Variants in CCNY observed in about 807,000 individuals in gnomAD.
CCNY encodes cyclin Y.
CCNY carries 19 observed loss-of-function variants against 42.8 expected under a neutral mutation model. That is an observed-to-expected ratio of 0.44 (90% CI 0.31 to 0.65). CCNY has a LOEUF of 0.65. Among genes scored for constraint, CCNY ranks in the 30% least tolerant of loss-of-function variants. CCNY has a pLI of 0.07. For synonymous variants in CCNY, 165 were observed against 162.7 expected, an observed-to-expected ratio of 1.01 and a Z score of -0.11; for missense variants, 370 against 437.3, an observed-to-expected ratio of 0.85 and a Z score of 1.37.
intron 1 of CCNY, among the ~76,000 whole-genome samples, chr10:35,452,881 T>C (rs1838949355): frequency 6.6e-6 from 1 of 152,162 alleles, no homozygotes; most frequent in Admixed American, 6.5e-5. Context: ...AAGCTGGGTT[T>C]GTCTAAAACC....
intron 3 of CCNY, among the ~76,000 whole-genome samples, chr10:35,503,394 G>A (rs1304761761): frequency 6.6e-6 from 1 of 152,150 alleles, no homozygotes; most frequent in Non-Finnish European, 1.5e-5. Flanking sequence ...AACAAGCAGC[G>A]TGACCCTCTA....
At position 35,460,230 on chromosome 10, in the gene CCNY, T is replaced by G. The variant is rs113281768; in HGVS notation, c.155-23174T>G. 3.4e-3 allele frequency among the ~76,000 whole-genome samples: 513 copies of G among 152,188 alleles called. 4 individuals carry two copies. Among genetic ancestry groups the G allele is most frequent in the African/African-American group, 0.012 (483 of 41,526 alleles). On this transcript the variant is annotated intron_variant, in intron 1 of 9. Transcript: ENST00000374704. ...ACATCTCTGAGCCTCTTTTAAAAAA[T>G]CTCTCTCTCTCGTATATCTCTATTT...
chr10:35,440,631 CG>C (rs1838646159), intron 1 of CCNY, among the ~76,000 whole-genome samples: 1 of 152,120 alleles, frequency 6.6e-6, no homozygotes, highest in African/African-American at 2.4e-5. Flanking sequence ...GACCCCTGTC[CG>C]GGGCACAGCT....
intron 3 of CCNY, among the ~76,000 whole-genome samples, chr10:35,251,982 T>C (rs2095712346): frequency 6.6e-6 from 1 of 152,132 alleles, no homozygotes; most frequent in Non-Finnish European, 1.5e-5. Flanking sequence ...AAGAACAAGA[T>C]AGTAAATATT....
intron 5 of CCNY, among the ~76,000 whole-genome samples, chr10:35,529,394 G>T (rs1840717609): frequency 6.6e-6 from 1 of 152,098 alleles, no homozygotes; most frequent in South Asian, 2.1e-4. Flanking sequence ...CATTTGCCTA[G>T]ATTCGATTCA....
intron 8 of CCNY, among the ~76,000 whole-genome samples, chr10:35,556,846 A>ATT (rs61540981): frequency 2.2e-5 from 3 of 139,462 alleles, no homozygotes; most frequent in Non-Finnish European, 3.2e-5. Flanking sequence ...TCCTCACTAC[A>ATT]TTTTTTTTTT....
At chr10:35,311,372 T>C (rs767056698) in intron 3 of CCNY, among the ~76,000 whole-genome samples, 2 of 151,770 alleles carry the variant, frequency 1.3e-5, no homozygotes, top group Non-Finnish European at 2.9e-5. Flanking sequence ...TCAAATGTTC[T>C]TGATAATTAA....
chr10:35,394,875 T>C, intron 1 of CCNY: 1 of 983,926 alleles, frequency 1.0e-6, no homozygotes, highest in Non-Finnish European at 1.2e-6. Context: ...TCCTTCTGAA[T>C]ACTGTGAGTC....
intron 3 of CCNY, among the ~76,000 whole-genome samples, chr10:35,310,869 C>T (rs897431056): frequency 5.3e-5 from 8 of 152,262 alleles, no homozygotes; most frequent in Non-Finnish European, 1.0e-4. Context: ...GGCCGGGAAT[C>T]GTGGCTCACG....
At chr10:35,525,867 C>A in intron 4 of CCNY, 97 bp from the exon 5 acceptor site, 1 of 1,054,616 alleles carries the variant, frequency 9.5e-7, no homozygotes, top group Non-Finnish European at 1.4e-6. Flanking sequence ...TAGACTTTTA[C>A]TTCTGTTTAA....
intron 3 of CCNY, among the ~76,000 whole-genome samples, chr10:35,256,053 T>C (rs1785506417): frequency 6.6e-6 from 1 of 152,234 alleles, no homozygotes; most frequent in African/African-American, 2.4e-5. Flanking sequence ...GGAATATCTT[T>C]TTCCATTTTT....
chr10:35,373,500 A>G (rs910833926), intron 1 of CCNY, among the ~76,000 whole-genome samples: 5 of 152,134 alleles, frequency 3.3e-5, no homozygotes, highest in African/African-American at 1.2e-4. Flanking sequence ...GGGTCTATAT[A>G]TATAGTAAAG....
At chr10:35,494,332 C>G (rs979833641) in intron 2 of CCNY, among the ~76,000 whole-genome samples, 3 of 149,552 alleles carry the variant, frequency 2.0e-5, no homozygotes, top group Non-Finnish European at 4.4e-5. Flanking sequence ...GAGGCCAGGT[C>G]TGAAATTATA....
At chr10:35,438,239 C>G (rs774993696) in intron 1 of CCNY, among the ~76,000 whole-genome samples, 49 of 151,752 alleles carry the variant, frequency 3.2e-4, no homozygotes, top group Non-Finnish European at 5.7e-4. Flanking sequence ...GCCTCAGCCT[C>G]CCAGGCTAAA....
intron 2 of CCNY, among the ~76,000 whole-genome samples, chr10:35,491,996 G>C (rs1050452997): frequency 6.6e-6 from 1 of 152,146 alleles, no homozygotes; most frequent in Non-Finnish European, 1.5e-5. Flanking sequence ...CAGTGTCTAA[G>C]CTGCACCTAT....
intron 3 of CCNY, among the ~76,000 whole-genome samples, chr10:35,316,895 G>A (rs948978093): frequency 6.6e-6 from 1 of 152,130 alleles, no homozygotes; most frequent in Non-Finnish European, 1.5e-5. Context: ...GCCCAGGCTG[G>A]AGTGCAGTGG....
At chr10:35,387,620 G>A (rs1837326971) in intron 1 of CCNY, among the ~76,000 whole-genome samples, 1 of 152,188 alleles carries the variant, frequency 6.6e-6, no homozygotes, top group African/African-American at 2.4e-5. Context: ...GTGTGCATGT[G>A]TTCTGAAAAG....
chr10:35,463,578 A>G (rs1266291306), intron 1 of CCNY, among the ~76,000 whole-genome samples: 1 of 152,256 alleles, frequency 6.6e-6, no homozygotes, highest in Non-Finnish European at 1.5e-5. Context: ...AATGAAGCTA[A>G]GAGATTACAA....
chr10:35,546,058 T>C (rs550029346), intron 7 of CCNY, among the ~76,000 whole-genome samples: 8 of 152,288 alleles, frequency 5.3e-5, no homozygotes, highest in African/African-American at 1.9e-4. Flanking sequence ...TAGGGTGTAA[T>C]TGAGAATGGA....
Sources: allele counts gnomAD v4.1 joint callset (sites outside exome capture counted in the v4.1 genomes callset), GRCh38; gene constraint gnomAD v4.1.1; transcripts MANE v1.5; gene names NCBI Gene and HGNC (gene_info 2026-07-23, HGNC 2026-07-21).